The following KHDC1 variants were observed in gnomAD, a reference collection of about 807,000 sequenced individuals.
The protein encoded by KHDC1 is KH homology domain-containing protein 1.
A neutral mutation model predicts 24.7 loss-of-function variants in KHDC1; 21 were observed. That is an observed-to-expected ratio of 0.85 (90% CI 0.60 to 1.23). The LOEUF (loss-of-function observed/expected upper bound fraction) is 1.23, where lower values mean the gene tolerates loss of function less well. Among genes scored for constraint, KHDC1 ranks in the 50% most tolerant of loss-of-function variants. KHDC1 has a pLI of 0.00. For missense variants in KHDC1, 274 were observed against 298.5 expected (o/e 0.92, Z 0.61); for synonymous variants, 98 against 111.7 (o/e 0.88, Z 0.77).
chr6:73,242,011 TCCA>T (rs1305994612), intron 4 of KHDC1, 41 bp downstream of exon 3: 5 of 1,568,308 alleles, frequency 3.2e-6, no homozygotes, highest in Non-Finnish European at 4.3e-6. Context: ...TAGCCAGAAC[TCCA>T]CCACCAAGTC....
chr6:73,307,013 A>T (rs1252075852), intron 1 of KHDC1, among the ~76,000 whole-genome samples: 1 of 152,088 alleles, frequency 6.6e-6, no homozygotes. Flanking sequence ...AAGAGAGAAA[A>T]TAAAACTTTC....
chr6:73,309,907 C>T, exon 1 of KHDC1: 1 of 559,876 alleles, frequency 1.8e-6, no homozygotes, highest in Non-Finnish European at 3.0e-6. Flanking sequence ...GGTGGATTAA[C>T]GCGCCACCGC....
chr6:73,272,410 C>T (rs1028472116), intron 2 of KHDC1, among the ~76,000 whole-genome samples: 3 of 151,706 alleles, frequency 2.0e-5, no homozygotes, highest in East Asian at 4.0e-4. Flanking sequence ...GCTGGGATTA[C>T]AGGCGTGAGC....
chr6:73,263,124 T>G (rs1004321895), intron 2 of KHDC1: 2 of 996,244 alleles, frequency 2.0e-6, no homozygotes. Flanking sequence ...CGGTACCTCC[T>G]GGGCCGCGCA....
Position 73,281,821 on chromosome 6 carries a change from A to G in KHDC1, c.206+10177T>C, listed in dbSNP as rs1767418806. 1.3e-5 allele frequency among the ~76,000 whole-genome samples: 2 copies of G among 152,090 alleles called. 1 individual carries two copies. The highest frequency in any genetic ancestry group is 4.1e-4 in the South Asian group (2 of 4,824). On this transcript the variant is annotated intron_variant, in intron 2 of 4. Coordinates refer to ENST00000370384, the Ensembl canonical transcript of KHDC1. ...ACAGTGTACCACATTACATTTAGTCATCATGTCTCCTTAGGCTCCTCTTGG... is the reference window on the plus strand; with the variant it reads ...ACAGTGTACCACATTACATTTAGTCGTCATGTCTCCTTAGGCTCCTCTTGG...
At chr6:73,277,525 C>G (rs1767320019) in intron 2 of KHDC1, among the ~76,000 whole-genome samples, 1 of 152,174 alleles carries the variant, frequency 6.6e-6, no homozygotes, top group Non-Finnish European at 1.5e-5. Flanking sequence ...GCTTAAATGA[C>G]AAAACACATT....
chr6:73,243,564 A>C (rs1297200911), intron 2 of KHDC1, among the ~76,000 whole-genome samples: 1 of 152,242 alleles, frequency 6.6e-6, no homozygotes, highest in African/African-American at 2.4e-5. Flanking sequence ...TTAAGGCTGA[A>C]CAAGATGTAC....
chr6:73,306,685 A>C, intron 1 of KHDC1, among the ~76,000 whole-genome samples: 1 of 139,860 alleles, frequency 7.2e-6, no homozygotes. Flanking sequence ...GCCCCGGGGC[A>C]GTGGGGGTGG....
chr6:73,249,343 G>T (rs1766735710), intron 2 of KHDC1, among the ~76,000 whole-genome samples: 1 of 152,052 alleles, frequency 6.6e-6, no homozygotes, highest in Non-Finnish European at 1.5e-5. Flanking sequence ...AAGTACTTAT[G>T]TACTGGGTAG....
At chr6:73,297,620 A>G (rs1767780345) in intron 1 of KHDC1, among the ~76,000 whole-genome samples, 1 of 152,112 alleles carries the variant, frequency 6.6e-6, no homozygotes, top group Non-Finnish European at 1.5e-5. Context: ...TTATATACTC[A>G]CTAGCCTTGT....
At chr6:73,241,419 T>C in exon 5 of KHDC1, 4 of 985,028 alleles carry the variant, frequency 4.1e-6, no homozygotes, top group Non-Finnish European at 6.4e-6. Flanking sequence ...GAGGGACAGG[T>C]CCCGGCCACA....
intron 2 of KHDC1, among the ~76,000 whole-genome samples, chr6:73,251,039 CTAT>C: frequency 6.6e-6 from 1 of 152,178 alleles, no homozygotes; most frequent in African/African-American, 2.4e-5. Flanking sequence ...GGCCAGGCTG[CTAT>C]CGTCAAACTC....
In KHDC1 at chr6:73,284,175, A is replaced by T. The variant is rs147425150; in HGVS notation, c.206+7823T>A. On this transcript the variant is annotated intron_variant, in intron 2 of 4. Transcript: ENST00000370384. ...AATGAAAACCCACAATATTAGGATT[A>T]TGAGAGGGCCTGACTTCTGCCAAAA... Among the ~76,000 whole-genome samples, 1,522 of 152,296 alleles carry T rather than the reference A, an allele frequency of 1.0e-2. 22 individuals carry two copies. The highest frequency in any genetic ancestry group is 0.034 in the African/African-American group (1,430 of 41,540).
intron 2 of KHDC1, among the ~76,000 whole-genome samples, chr6:73,257,357 A>G (rs570850337): frequency 1.3e-5 from 2 of 152,278 alleles, no homozygotes; most frequent in Admixed American, 1.3e-4. Flanking sequence ...ATTCTCTAAC[A>G]ATAGCAACCA....
intron 2 of KHDC1, 114 bp downstream of exon 1, chr6:73,262,660 G>T: frequency 3.7e-6 from 3 of 803,812 alleles, no homozygotes; most frequent in Non-Finnish European, 3.0e-6. Context: ...TCTTTATACT[G>T]CTATCTCCTG....
chr6:73,282,878 A>T (rs1383391967), intron 2 of KHDC1, among the ~76,000 whole-genome samples: 1 of 152,216 alleles, frequency 6.6e-6, no homozygotes, highest in East Asian at 1.9e-4. Flanking sequence ...CGAGTGCTCC[A>T]GGAGACAGAT....
intron 2 of KHDC1, among the ~76,000 whole-genome samples, chr6:73,256,492 G>A (rs138703583): frequency 1.9e-3 from 292 of 152,280 alleles, no homozygotes; most frequent in African/African-American, 6.7e-3. Flanking sequence ...GGAGTCTGGC[G>A]TTACAAATGA....
At chr6:73,255,879 G>T (rs1366027645) in intron 2 of KHDC1, among the ~76,000 whole-genome samples, 1 of 147,412 alleles carries the variant, frequency 6.8e-6, no homozygotes, top group African/African-American at 2.5e-5. Flanking sequence ...TCCAGCCTGG[G>T]TGACAGAGTG....
chr6:73,290,867 C>T (rs1267350770), intron 2 of KHDC1: 8 of 355,012 alleles, frequency 2.3e-5, no homozygotes, highest in Non-Finnish European at 3.8e-5. Flanking sequence ...AGATTCTCCT[C>T]TGAGCTATGT....
Sources: gnomAD v4.1 joint callset for allele counts (sites outside exome capture counted in the v4.1 genomes callset) on GRCh38, gnomAD v4.1.1 for gene constraint, MANE v1.5 for transcripts, NCBI Gene and HGNC (gene_info 2026-07-23, HGNC 2026-07-21) for gene names.